The following MUC4 variants were observed in gnomAD, a reference collection of about 807,000 sequenced individuals.
MUC4 encodes mucin-4.
Under a neutral mutation model 257.9 loss-of-function variants are expected in MUC4, and 202 were observed. The ratio of observed to expected loss-of-function variants is 0.78; its 90% confidence interval spans 0.70 to 0.88. MUC4 has a LOEUF of 0.88. MUC4 is among the 40% of genes least tolerant of loss of function. The pLI is 0.00. For missense variants in MUC4, 5,976 were observed against 6,513.7 expected (o/e 0.92, Z 2.84); for synonymous variants, 2,351 against 2,757.1 (o/e 0.85, Z 4.62).
chr3:195,772,930 C>T (rs1286906094), intron 4 of MUC4, among the ~76,000 whole-genome samples: 1 of 124,676 alleles, frequency 8.0e-6, no homozygotes, highest in East Asian at 2.9e-4. Flanking sequence ...ACCCTCTCTC[C>T]ATCGCTCAGG....
At position 195,785,804 on chromosome 3, in the gene MUC4, G is replaced by T. The variant is rs776368475; in HGVS notation, c.5776C>A (p.Leu1926Ile). The T allele has an allele frequency of 6.1e-6, 9 of 1,478,760 alleles. No individual in the cohort carries two copies. In the African/African-American group the frequency reaches 1.3e-4, roughly 22 times the overall value. The allele number at this position is 1,478,760 out of a possible 1,614,324, so 91.6% of individuals were successfully genotyped here. The change falls in exon 2 of 25, where the codon CTT (leucine) becomes ATT (isoleucine). Residue 1926 changes from leucine (L) to isoleucine (I), a missense_variant. Physicochemically the swap from Leu to Ile is conservative, Grantham distance 5 (BLOSUM62 2). Transcript: ENST00000463781. ...GHATSLPVTS[L>I]SSASTGDTTP... ...GTGTCACCTGTGGATGCTGAGGAAAGGCTGGTGACAGGAAGAGAGGTGGCG... is the reference window on the plus strand; with the variant it reads ...GTGTCACCTGTGGATGCTGAGGAAATGCTGGTGACAGGAAGAGAGGTGGCG...
intron 10 of MUC4, among the ~76,000 whole-genome samples, chr3:195,764,552 G>A (rs842220): frequency 0.64 from 97,369 of 151,800 alleles, 32,082 homozygotes; most frequent in East Asian, 0.8. Flanking sequence ...GGGAGGGCAC[G>A]GCTGACGGTC....
Position 195,791,345 on chromosome 3 carries a change from T to G in MUC4, c.235A>C (p.Thr79Pro). The change falls in exon 2 of 25, where the codon ACT becomes CCT. Residue 79 changes from threonine to proline, a missense_variant. Physicochemically the swap from Thr to Pro is conservative, Grantham distance 38. Coordinates refer to ENST00000463781, the MANE Select transcript of MUC4 (RefSeq NM_018406.7). Reference sequence around the variant, plus strand: ...TTGCTGGTGGTCTCCGTGCTCTTAGTCTGGTGGTTCTGAGATGAAGCTGAT... The same window carrying G: ...TTGCTGGTGGTCTCCGTGCTCTTAGGCTGGTGGTTCTGAGATGAAGCTGAT... ...DISASSQNHQ[T>P]KSTETTSKAQ... 6.2e-7 allele frequency: 1 copy of G among 1,613,986 alleles called. No homozygotes were observed. The highest frequency in any genetic ancestry group is 1.1e-5 in the South Asian group (1 of 91,074).
intron 7 of MUC4, among the ~76,000 whole-genome samples, chr3:195,767,825 A>G (rs1324242284): frequency 9.2e-5 from 11 of 119,532 alleles, no homozygotes; most frequent in African/African-American, 3.2e-4. Flanking sequence ...CACCACCACC[A>G]CCACCATCAC....
At chr3:195,760,496 GGGC>G in intron 16 of MUC4, among the ~76,000 whole-genome samples, 1 of 112,906 alleles carries the variant, frequency 8.9e-6, no homozygotes, top group Non-Finnish European at 2.2e-5. Context: ...GGAGTGGAGG[GGGC>G]TGGGAAGGCA....
Position 195,788,035 on chromosome 3 carries a change from G to GCC in MUC4, c.3544_3545insGG (p.Thr1182ArgfsTer55). 1 of 1,455,986 alleles carries GCC rather than the reference G, an allele frequency of 6.9e-7. No homozygotes were observed. Among genetic ancestry groups the GCC allele is most frequent in the African/African-American group, 1.8e-5 (1 of 55,472 alleles). The allele number at this position is 1,455,986 out of a possible 1,614,324, so 90.2% of individuals were successfully genotyped here. A position where few individuals can be genotyped will look rare whatever the true frequency, so the allele number is the denominator to read the frequency against. ...AGGGCTAGTGACAGGAAGAGGCGTG[G>GCC]TGTCACCTGTGGATACTGAGGAAAG... is the stretch of plus-strand genomic sequence containing the variant. On this transcript the variant is annotated frameshift_variant, in exon 2 of 25. Coordinates refer to ENST00000463781, the MANE Select transcript of MUC4 (RefSeq NM_018406.7). LOFTEE classifies it high-confidence loss of function.
chr3:195,760,514 GCGCTA>G (rs1560238894), intron 16 of MUC4, among the ~76,000 whole-genome samples: 5 of 108,808 alleles, frequency 4.6e-5, no homozygotes, highest in Non-Finnish European at 1.2e-4. Context: ...AAGGCATCCA[GCGCTA>G]GGATGGATGG....
In MUC4 at chr3:195,789,311, A is replaced by C. The variant is rs745684589; in HGVS notation, c.2269T>G (p.Ser757Ala). 1.1e-5 allele frequency: 17 copies of C among 1,613,662 alleles called. No individual in the cohort carries two copies. The highest frequency in any genetic ancestry group is 1.4e-5 in the Non-Finnish European group (17 of 1,179,848). The change falls in exon 2 of 25, where the codon TCA becomes GCA. Residue 757 changes from serine (S) to alanine (A), a missense_variant. Around this residue, in one of 44 missense-constraint regions of MUC4, gnomAD observed 1,583 missense variants for 1,257.4 expected, o/e 1.26. Transcript: ENST00000463781. Reference protein sequence around the residue: ...TPGGPEGQWTSASASTSPDTA... With the variant: ...TPGGPEGQWTAASASTSPDTA... The stretch of plus-strand genomic sequence containing the variant: ...TCAGGTGAGGTGCTGGCAGAGGCTG[A>C]TGTCCATTGTCCTTCTGGGCCCCCT...
chr3:195,802,773 G>A (rs893350516), intron 1 of MUC4, among the ~76,000 whole-genome samples: 1 of 152,190 alleles, frequency 6.6e-6, no homozygotes, highest in Admixed American at 6.5e-5. Context: ...AAATGGCCAC[G>A]CCAAGGGATT....
rs781587527 is a variant in MUC4, at chr3:195,782,091, T to A, written c.9489A>T (p.Thr3163=). Residue 3163 remains threonine, a synonymous_variant, in exon 2 of 25, where the codon ACA becomes ACT. Transcript: ENST00000463781. ...TGACAGGAAGAGGGGTGGCCTGACC[T>A]GTGGATGCTGAGGAAGTGTCGGTGA... ...LPVTDTSSAS[T]GQATPLPVTS... 10 of 1,366,396 alleles carry A rather than the reference T, an allele frequency of 7.3e-6. No homozygotes were observed. The highest frequency in any genetic ancestry group is 3.1e-5 in the African/African-American group (2 of 64,442). The allele number at this position is 1,366,396 out of a possible 1,614,324, so 84.6% of individuals were successfully genotyped here.
intron 16 of MUC4, among the ~76,000 whole-genome samples, chr3:195,759,643 TGCTGGGTGTC>T (rs1718363596): frequency 1.3e-5 from 2 of 151,792 alleles, no homozygotes; most frequent in Non-Finnish European, 2.9e-5. Flanking sequence ...ACCTGAAGGG[TGCTGGGTGTC>T]TCATGTCTGT....
At position 195,769,058 on chromosome 3, in the gene MUC4, T is replaced by C; in HGVS notation, c.13493A>G (p.Gln4498Arg). 3 of 1,614,038 alleles carry C rather than the reference T, an allele frequency of 1.9e-6. No homozygotes were observed. Among genetic ancestry groups the C allele is most frequent in the Non-Finnish European group, 2.5e-6 (3 of 1,179,978 alleles). Residue 4498 changes from glutamine (Q) to arginine (R), a missense_variant, in exon 7 of 25, where the codon CAG (glutamine) becomes CGG (arginine). Physicochemically the swap from Gln to Arg is conservative, Grantham distance 43 (BLOSUM62 1). This residue lies in a region of MUC4 where 996 missense variants were observed against 1,137.3 expected (regional missense o/e 0.88). Coordinates refer to ENST00000463781, the MANE Select transcript of MUC4 (RefSeq NM_018406.7). ...QSGGMQWDVA[Q>R]RSGNPVLMGF... ...CATGAGCACCGGGTTGCCTGAGCGCTGGGCCACGTCCCACTGCATCCCACC... is the reference window on the plus strand; with the variant it reads ...CATGAGCACCGGGTTGCCTGAGCGCCGGGCCACGTCCCACTGCATCCCACC...
At position 195,780,500 on chromosome 3, in the gene MUC4, C is replaced by A. The variant is rs781334239; in HGVS notation, c.11080G>T (p.Ala3694Ser). Residue 3694 changes from alanine to serine, a missense_variant, in exon 2 of 25, where the codon GCC (alanine) becomes TCC (serine). Transcript: ENST00000463781. ...GGGATGGTGACAGGAAGAGGGGTGGCCTGACCTGTGGATGCTGAGGAAGTG... is the reference window on the plus strand; with the variant it reads ...GGGATGGTGACAGGAAGAGGGGTGGACTGACCTGTGGATGCTGAGGAAGTG... ...TDTSSASTGQATPLPVTIPSS... is the reference protein window; with the variant it reads ...TDTSSASTGQSTPLPVTIPSS... 6.3e-6 allele frequency: 7 copies of A among 1,113,528 alleles called. No homozygotes were observed. The highest frequency in any genetic ancestry group is 6.7e-6 in the Non-Finnish European group (6 of 895,548). 69.0% of individuals were successfully genotyped at this position (1,113,528 alleles called of 1,614,324 possible).
In MUC4 at chr3:195,764,166, T is replaced by C; in HGVS notation, c.13925-2A>G. Reference sequence around the variant, plus strand: ...AGCTCTGTGGCTCCAGTTCCTGGGCTGCGGAGAACAGCAGTGAGTCGGGGA... The same window carrying C: ...AGCTCTGTGGCTCCAGTTCCTGGGCCGCGGAGAACAGCAGTGAGTCGGGGA... On this transcript the variant is annotated splice_acceptor_variant, in intron 10 of 24. Coordinates refer to ENST00000463781, the MANE Select transcript of MUC4 (RefSeq NM_018406.7). LOFTEE classifies it high-confidence loss of function. 1.3e-6 allele frequency: 2 copies of C among 1,563,200 alleles called. No homozygotes were observed. The highest frequency in any genetic ancestry group is 1.7e-6 in the Non-Finnish European group (2 of 1,154,024).
Position 195,752,508 on chromosome 3 carries a change from T to G in MUC4, c.15509-62A>C, listed in dbSNP as rs559829887. 21 of 1,477,754 alleles carry G rather than the reference T, an allele frequency of 1.4e-5. No homozygotes were observed. In the African/African-American group the frequency reaches 2.6e-4, roughly 19 times the overall value. The allele number at this position is 1,477,754 out of a possible 1,614,324, so 91.5% of individuals were successfully genotyped here. Reference sequence around the variant, plus strand: ...GGTTTACCCAGACTTACCCAAAAAGTCTGTCGGGCCAGCCCAAGTTGACTG... The same window carrying G: ...GGTTTACCCAGACTTACCCAAAAAGGCTGTCGGGCCAGCCCAAGTTGACTG... On this transcript the variant is annotated intron_variant, in intron 20 of 24. Transcript: ENST00000463781.
In MUC4 at chr3:195,783,849, A is replaced by C. The variant is rs780366556; in HGVS notation, c.7731T>G (p.Leu2577=). The C allele has an allele frequency of 6.6e-7, 1 of 1,506,426 alleles. No individual in the cohort carries two copies. Among genetic ancestry groups the C allele is most frequent in the East Asian group, 2.6e-5 (1 of 39,146 alleles). The allele number at this position is 1,506,426 out of a possible 1,614,324, so 93.3% of individuals were successfully genotyped here. ...ATGCTGAGGAAGTGCTGGTGACAGG[A>C]AGAGGGGTGGCGTGACCTGTGGATG... ...SAASTGHATP[L]PVTSTSSAST... is the part of the protein sequence containing the mutation. The change falls in exon 2 of 25, where the codon CTT becomes CTG. Residue 2577 remains leucine, a synonymous_variant. Coordinates refer to ENST00000463781, the MANE Select transcript of MUC4 (RefSeq NM_018406.7).
intron 19 of MUC4, 190 bp downstream of exon 19, chr3:195,754,023 G>A: frequency 1.4e-6 from 1 of 727,690 alleles, no homozygotes; most frequent in Non-Finnish European, 2.1e-6. Context: ...CCCTTTCCAG[G>A]CCTGCCTAGA....
chr3:195,761,358 G>C (rs369978117), intron 15 of MUC4, 126 bp downstream of exon 15: 5 of 877,524 alleles, frequency 5.7e-6, no homozygotes, highest in African/African-American at 5.0e-5. Context: ...ACAGCCCTGG[G>C]GGGGCACAGA....
intron 1 of MUC4, chr3:195,809,952 TGCCTCCCC>T: frequency 6.5e-6 from 1 of 152,722 alleles, no homozygotes; most frequent in Non-Finnish European, 1.5e-5. Context: ...AAATCCAAGC[TGCCTCCCC>T]GGCGCCCCAA....
Sources: gnomAD v4.1 joint callset for allele counts (sites outside exome capture counted in the v4.1 genomes callset) on GRCh38, gnomAD v4.1.1 for gene constraint, gnomAD v4.1.1 regional missense constraint, MANE v1.5 for transcripts, NCBI Gene and HGNC (gene_info 2026-07-23, HGNC 2026-07-21) for gene names.